The following PPM1H variants were observed in gnomAD, a reference collection of about 807,000 sequenced individuals.
PPM1H encodes the protein protein phosphatase 1H.
Under a neutral mutation model 54.9 loss-of-function variants are expected in PPM1H, and 27 were observed. The observed-to-expected ratio is 0.49, with a 90% confidence interval of 0.36 to 0.68. The LOEUF (loss-of-function observed/expected upper bound fraction) is 0.68, where lower values mean the gene tolerates loss of function less well. Among genes scored for constraint, PPM1H ranks in the 30% least tolerant of loss-of-function variants. The pLI is 0.00. For missense variants in PPM1H, 596 were observed against 667.8 expected (o/e 0.89, Z 1.19); for synonymous variants, 305 against 270.8 (o/e 1.13, Z -1.24).
At chr12:62,799,130 GTT>G (rs1438129862) in intron 3 of PPM1H, among the ~76,000 whole-genome samples, 2 of 152,162 alleles carry the variant, frequency 1.3e-5, no homozygotes, top group Non-Finnish European at 2.9e-5. Context: ...TGGTGACTAA[GTT>G]TCCAAGAAAA....
At chr12:62,919,624 G>C (rs1871730639) in intron 1 of PPM1H, among the ~76,000 whole-genome samples, 1 of 152,084 alleles carries the variant, frequency 6.6e-6, no homozygotes, top group African/African-American at 2.4e-5. Context: ...ATTTAATACA[G>C]CTTGCTGGAC....
At chr12:62,847,212 A>G (rs910958700) in intron 1 of PPM1H, among the ~76,000 whole-genome samples, 2 of 152,228 alleles carry the variant, frequency 1.3e-5, no homozygotes, top group African/African-American at 4.8e-5. Flanking sequence ...TTGTGAGAAG[A>G]GTACATGTTG....
At position 62,854,616 on chromosome 12, in the gene PPM1H, G is replaced by T. The variant is rs1479463753; in HGVS notation, c.246-22337C>A. Among the ~76,000 whole-genome samples the T allele has an allele frequency of 2.6e-5, 4 of 152,128 alleles. No homozygotes were observed. In the East Asian group the frequency reaches 7.7e-4, roughly 29 times the overall value. On this transcript the variant is annotated intron_variant, in intron 1 of 9. Coordinates refer to ENST00000228705, the MANE Select transcript of PPM1H (RefSeq NM_020700.2). ...ACAACCTGTGAAAGCCTGGCATACT[G>T]TAGGGCCTCAAAAATGTTACAGCAC...
At position 62,832,289 on chromosome 12, in the gene PPM1H, A is replaced by C. The variant is rs1240132985; in HGVS notation, c.246-10T>G. The C allele has an allele frequency of 1.9e-6, 3 of 1,600,844 alleles. No homozygotes were observed. Among genetic ancestry groups the C allele is most frequent in the African/African-American group, 2.7e-5 (2 of 74,712 alleles). ...CCCGGCATTGATAACCCTGGAGAAGAAGCCGGAAAAGCTGGTCAGACAGAC... is the reference window on the plus strand; with the variant it reads ...CCCGGCATTGATAACCCTGGAGAAGCAGCCGGAAAAGCTGGTCAGACAGAC... On this transcript the variant is annotated splice_polypyrimidine_tract_variant and intron_variant, in intron 1 of 9. Transcript: ENST00000228705.
chr12:62,852,611 A>G (rs1342403437), intron 1 of PPM1H, among the ~76,000 whole-genome samples: 1 of 152,370 alleles, frequency 6.6e-6, no homozygotes, highest in South Asian at 2.1e-4. Context: ...TCATTCTGCA[A>G]TCTGCAATGA....
chr12:62,702,010 G>C (rs1259928516), intron 6 of PPM1H, among the ~76,000 whole-genome samples: 1 of 152,178 alleles, frequency 6.6e-6, no homozygotes, highest in Non-Finnish European at 1.5e-5. Context: ...CAAGCTAAAT[G>C]GATGAATGAA....
intron 2 of PPM1H, among the ~76,000 whole-genome samples, chr12:62,830,677 A>G: frequency 6.6e-6 from 1 of 152,192 alleles, no homozygotes; most frequent in East Asian, 1.9e-4. Flanking sequence ...AACCATCACC[A>G]TTCTATACTG....
chr12:62,859,683 G>GA (rs1869527673), intron 1 of PPM1H, among the ~76,000 whole-genome samples: 1 of 152,086 alleles, frequency 6.6e-6, no homozygotes, highest in Non-Finnish European at 1.5e-5. Context: ...GTCAAGTTAG[G>GA]AAATAGATCA....
At chr12:62,848,605 C>G (rs974743744) in intron 1 of PPM1H, among the ~76,000 whole-genome samples, 1 of 152,198 alleles carries the variant, frequency 6.6e-6, no homozygotes, top group African/African-American at 2.4e-5. Context: ...CTGAGCAAAG[C>G]TCCCAAGTGG....
intron 1 of PPM1H, among the ~76,000 whole-genome samples, chr12:62,867,491 G>A (rs559258652): frequency 4.0e-5 from 6 of 149,284 alleles, no homozygotes; most frequent in Non-Finnish European, 7.4e-5. Context: ...AACAAAACAC[G>A]CTAGGATCTC....
chr12:62,888,654 A>G (rs529434893), intron 1 of PPM1H, among the ~76,000 whole-genome samples: 2 of 152,294 alleles, frequency 1.3e-5, no homozygotes, highest in Non-Finnish European at 2.9e-5. Flanking sequence ...ATTTTGTAAC[A>G]CGGAAGTCAC....
At position 62,647,365 on chromosome 12, in the gene PPM1H, C is replaced by T. The variant is rs546290841; in HGVS notation, c.*1124G>A. ...GATGATGGGGAGAGCAGAACTGCTGCTCCTTGACAGAACTCTGATCCTTAC... is the reference window on the plus strand; with the variant it reads ...GATGATGGGGAGAGCAGAACTGCTGTTCCTTGACAGAACTCTGATCCTTAC... On this transcript the variant is annotated 3_prime_UTR_variant, in exon 10 of 10. Coordinates refer to ENST00000228705, the MANE Select transcript of PPM1H (RefSeq NM_020700.2). 4.6e-5 allele frequency: 7 copies of T among 152,326 alleles called. No individual in the cohort carries two copies. Among genetic ancestry groups the T allele is most frequent in the African/African-American group, 1.7e-4 (7 of 41,588 alleles). The allele number at this position is 152,326 out of a possible 1,614,324, so 9.4% of individuals were successfully genotyped here. A position where few individuals can be genotyped will look rare whatever the true frequency, so the allele number is the denominator to read the frequency against.
chr12:62,888,199 C>A (rs1870659749), intron 1 of PPM1H, among the ~76,000 whole-genome samples: 1 of 152,054 alleles, frequency 6.6e-6, no homozygotes, highest in African/African-American at 2.4e-5. Flanking sequence ...GCCTGAGTAT[C>A]CACTTCATCA....
intron 6 of PPM1H, among the ~76,000 whole-genome samples, chr12:62,695,281 G>A (rs2076107587): frequency 6.6e-6 from 1 of 152,200 alleles, no homozygotes; most frequent in Admixed American, 6.5e-5. Flanking sequence ...CTGAGCTGGA[G>A]TTCAGCAATG....
At chr12:62,795,468 A>G (rs1202540099) in intron 3 of PPM1H, among the ~76,000 whole-genome samples, 1 of 152,042 alleles carries the variant, frequency 6.6e-6, no homozygotes, top group Non-Finnish European at 1.5e-5. Context: ...TTTTTGAGAC[A>G]GAGAGTCTTG....
intron 2 of PPM1H, among the ~76,000 whole-genome samples, chr12:62,828,420 C>A (rs1341726992): frequency 6.6e-6 from 1 of 152,214 alleles, no homozygotes; most frequent in Non-Finnish European, 1.5e-5. Context: ...TTGTCCAGAA[C>A]GATAAATGCT....
intron 3 of PPM1H, among the ~76,000 whole-genome samples, chr12:62,789,998 G>A (rs1230944319): frequency 6.6e-6 from 1 of 152,238 alleles, no homozygotes; most frequent in African/African-American, 2.4e-5. Flanking sequence ...GAAGGAAAAT[G>A]AGGGCTGGCT....
chr12:62,691,522 G>A (rs1214777105), intron 7 of PPM1H, among the ~76,000 whole-genome samples: 1 of 152,072 alleles, frequency 6.6e-6, no homozygotes. Context: ...AGGGTCAGAG[G>A]GGATAAAGAC....
chr12:62,776,002 G>A (rs2076608610), intron 4 of PPM1H, among the ~76,000 whole-genome samples: 1 of 152,192 alleles, frequency 6.6e-6, no homozygotes, highest in Non-Finnish European at 1.5e-5. Context: ...CGTCTTACTT[G>A]ATGGCAGGCA....
Sources: allele counts gnomAD v4.1 joint callset (sites outside exome capture counted in the v4.1 genomes callset), GRCh38; gene constraint gnomAD v4.1.1; transcripts MANE v1.5; gene names NCBI Gene and HGNC (gene_info 2026-07-23, HGNC 2026-07-21).